GFM2: variants seen among roughly 807,000 people sequenced by gnomAD.
The protein encoded by GFM2 is GTP dependent ribosome recycling factor mitochondrial 2.
Under a neutral mutation model 95.4 loss-of-function variants are expected in GFM2, and 72 were observed. That is an observed-to-expected ratio of 0.76 (90% CI 0.62 to 0.92). The LOEUF is 0.92. Ranked by LOEUF, GFM2 falls within the 40% of genes least tolerant of loss-of-function variation. The probability of loss-of-function intolerance (pLI) is 0.00; values close to 1 mark genes in which losing one functional copy is unlikely to be tolerated. For missense variants in GFM2, 825 were observed against 924.1 expected (o/e 0.89, Z 1.39); for synonymous variants, 276 against 317.5 (o/e 0.87, Z 1.39).
rs1315283402 is a variant in GFM2, at chr5:74,739,979, G to A, written c.1079+10C>T. 4 of 1,491,890 alleles carry A rather than the reference G, an allele frequency of 2.7e-6. No homozygotes were observed. Among genetic ancestry groups the A allele is most frequent in the Admixed American group, 2.4e-5 (1 of 42,256 alleles). The allele number at this position is 1,491,890 out of a possible 1,614,324, so 92.4% of individuals were successfully genotyped here. On this transcript the variant is annotated intron_variant, in intron 12 of 20. Transcript: ENST00000296805. ...CTATAGAATTTTAATATATGTGATT[G>A]CATACTTACAGAAATTCATAGTTAC...
At position 74,736,986 on chromosome 5, in the gene GFM2, C is replaced by G. The variant is rs1240552971; in HGVS notation, c.1321-1G>C. On this transcript the variant is annotated splice_acceptor_variant, in intron 14 of 20. Transcript: ENST00000296805. LOFTEE classifies it high-confidence loss of function. ...AGACAATGGTGTCTCCAGTGGCAGT[C>G]TGCAAGCAAACAAGATGACTTGGAA... The G allele has an allele frequency of 2.1e-5, 34 of 1,612,720 alleles. No homozygotes were observed. In the Admixed American group the frequency reaches 5.5e-4, roughly 26 times the overall value.
chr5:74,751,154 T>C (rs1200572375), intron 6 of GFM2, among the ~76,000 whole-genome samples: 2 of 152,178 alleles, frequency 1.3e-5, no homozygotes, highest in African/African-American at 4.8e-5. Flanking sequence ...ATGAATATAG[T>C]TTCATTTCTG....
chr5:74,745,066 C>G (rs1743309352), intron 10 of GFM2, among the ~76,000 whole-genome samples: 1 of 152,062 alleles, frequency 6.6e-6, no homozygotes, highest in Non-Finnish European at 1.5e-5. Flanking sequence ...AGGCCCGGCG[C>G]AGTGGCTCAC....
chr5:74,765,630 T>C (rs1018657771), intron 1 of GFM2, among the ~76,000 whole-genome samples: 3 of 152,004 alleles, frequency 2.0e-5, no homozygotes, highest in African/African-American at 7.3e-5. Context: ...GTACCTAAAA[T>C]ATACAAATGC....
intron 5 of GFM2, among the ~76,000 whole-genome samples, chr5:74,757,746 A>T: frequency 6.6e-6 from 1 of 151,184 alleles, no homozygotes; most frequent in Admixed American, 6.6e-5. Context: ...AAAAAAAAAA[A>T]AAAAAAAAAA....
intron 20 of GFM2, 94 bp from the exon 21 acceptor site, chr5:74,721,877 T>C: frequency 1.6e-6 from 2 of 1,218,184 alleles, no homozygotes; most frequent in Non-Finnish European, 2.3e-6. Context: ...GGAAAAGTGA[T>C]GTTGCCACTT....
intron 17 of GFM2, among the ~76,000 whole-genome samples, chr5:74,728,539 T>A (rs931698864): frequency 6.6e-6 from 1 of 152,108 alleles, no homozygotes; most frequent in African/African-American, 2.4e-5. Context: ...TAAACCCATG[T>A]TGTTCAAGGG....
intron 10 of GFM2, among the ~76,000 whole-genome samples, chr5:74,744,093 T>C (rs1274093929): frequency 1.3e-5 from 2 of 152,206 alleles, no homozygotes; most frequent in Admixed American, 6.5e-5. Flanking sequence ...TTCGTCATTC[T>C]ACCAACATCA....
intron 10 of GFM2, among the ~76,000 whole-genome samples, chr5:74,745,384 T>C (rs1224839636): frequency 1.3e-5 from 2 of 151,962 alleles, no homozygotes. Context: ...AAATAATAAT[T>C]TGGGGGACAG....
intron 1 of GFM2, chr5:74,765,243 C>T: frequency 2.4e-6 from 1 of 418,320 alleles, no homozygotes; most frequent in Non-Finnish European, 3.3e-6. Flanking sequence ...CAAGCCTATT[C>T]GTTCCCATTT....
At chr5:74,766,062 T>C (rs754149142) in intron 1 of GFM2, among the ~76,000 whole-genome samples, 31 of 151,994 alleles carry the variant, frequency 2.0e-4, no homozygotes, top group Non-Finnish European at 3.5e-4. Flanking sequence ...TCCCAACACT[T>C]TGGGAGGCCG....
intron 7 of GFM2, among the ~76,000 whole-genome samples, chr5:74,749,288 T>C (rs1487710206): frequency 6.6e-6 from 1 of 152,164 alleles, no homozygotes; most frequent in Non-Finnish European, 1.5e-5. Context: ...AGTGCTGGGA[T>C]TACAGGTGTG....
Position 74,721,648 on chromosome 5 carries a change from A to T in GFM2, c.*7T>A. 2 of 1,606,116 alleles carry T rather than the reference A, an allele frequency of 1.2e-6. No homozygotes were observed. The highest frequency in any genetic ancestry group is 2.3e-5 in the South Asian group (2 of 88,494). On this transcript the variant is annotated 3_prime_UTR_variant, in exon 21 of 21. Transcript: ENST00000296805. The stretch of plus-strand genomic sequence containing the variant: ...GCTCCTGAATTTCTCTCCAAAAACT[A>T]AAACATTTAGGTCAAACCACTTCTC...
rs1743451574 is a variant in GFM2, at chr5:74,747,627, A to G, written c.608+65T>C. 3.3e-6 allele frequency: 3 copies of G among 907,360 alleles called. No homozygotes were observed. The Admixed American group carries it at 6.0e-5, about 18-fold the overall frequency. 56.2% of individuals were successfully genotyped at this position (907,360 alleles called of 1,614,324 possible). The stretch of plus-strand genomic sequence containing the variant: ...AAATAGCTATTCCTAAATTTAAGTT[A>G]TAGTTCATTAAAAGCTCAAATTGTA... On this transcript the variant is annotated intron_variant, in intron 8 of 20. Transcript: ENST00000296805.
At position 74,721,716 on chromosome 5, in the gene GFM2, T is replaced by A. The variant is rs778134382; in HGVS notation, c.2279A>T (p.Tyr760Phe). 1.2e-6 allele frequency: 2 copies of A among 1,613,900 alleles called. No individual in the cohort carries two copies. The highest frequency in any genetic ancestry group is 1.7e-5 in the Admixed American group (1 of 60,002). Residue 760 changes from tyrosine (Y) to phenylalanine (F), a missense_variant, in exon 21 of 21, where the codon TAT (tyrosine) becomes TTT (phenylalanine). Transcript: ENST00000296805. ...SATFALELST[Y>F]QAMNPQDQNT... ...TTGATCTTGAGGATTCATGGCTTGA[T>A]AAGTAGATAGTTCTAAGGCAAAAGT...
chr5:74,736,052 A>C (rs747280383), intron 15 of GFM2, among the ~76,000 whole-genome samples: 18 of 152,236 alleles, frequency 1.2e-4, no homozygotes, highest in Non-Finnish European at 2.4e-4. Flanking sequence ...CCAAGGCTCC[A>C]GGAGCTATGC....
At chr5:74,733,573 G>A (rs545488882) in intron 15 of GFM2, among the ~76,000 whole-genome samples, 1 of 152,252 alleles carries the variant, frequency 6.6e-6, no homozygotes, top group East Asian at 1.9e-4. Flanking sequence ...AAGAAGACTA[G>A]CAGCTAGAGA....
chr5:74,748,919 A>AAATAAAAT (rs59669455), intron 7 of GFM2, among the ~76,000 whole-genome samples: 3,288 of 136,996 alleles, frequency 0.024, 60 homozygotes, highest in Middle Eastern at 0.083. Flanking sequence ...TAAAAAAATA[A>AAATAAAAT]AAAAAAATAA....
intron 1 of GFM2, among the ~76,000 whole-genome samples, chr5:74,764,631 T>A (rs986673892): frequency 6.6e-6 from 1 of 151,522 alleles, no homozygotes; most frequent in Non-Finnish European, 1.5e-5. Flanking sequence ...TTGTGATCCA[T>A]GTTATTAAGA....
Sources: allele counts gnomAD v4.1 joint callset (sites outside exome capture counted in the v4.1 genomes callset), GRCh38; gene constraint gnomAD v4.1.1; transcripts MANE v1.5; gene names NCBI Gene and HGNC (gene_info 2026-07-23, HGNC 2026-07-21).